The following RBM25 variants were observed in gnomAD, a reference collection of about 807,000 sequenced individuals.
RBM25 encodes the protein RNA-binding protein 25.
Under a neutral mutation model 120.7 loss-of-function variants are expected in RBM25, and 19 were observed. The observed-to-expected ratio is 0.16, with a 90% CI of 0.11 to 0.23. RBM25 has a LOEUF of 0.23. Ranked by LOEUF, RBM25 falls within the 10% of genes least tolerant of loss-of-function variation. RBM25 has a pLI of 1.00. For synonymous variants in RBM25, 390 were observed against 326.7 expected (o/e 1.19, Z -2.09); for missense variants, 605 against 1,041.5 (o/e 0.58, Z 5.77).
At chr14:73,083,426 G>A (rs577012515) in intron 4 of RBM25, 68 bp from the exon 5 acceptor site, 227 of 1,199,518 alleles carry the variant, frequency 1.9e-4, no homozygotes, top group Non-Finnish European at 2.4e-4. Context: ...ATATAATTTT[G>A]CTTTTAGTTA....
At chr14:73,097,324 C>T (rs1216859006) in intron 7 of RBM25, among the ~76,000 whole-genome samples, 1 of 151,196 alleles carries the variant, frequency 6.6e-6, no homozygotes, top group African/African-American at 2.4e-5. Flanking sequence ...CCTCAGCCTC[C>T]TGAGTAGCTG....
chr14:73,094,487 G>A (rs933330025), intron 6 of RBM25, among the ~76,000 whole-genome samples: 3 of 150,866 alleles, frequency 2.0e-5, no homozygotes, highest in Admixed American at 6.6e-5. Flanking sequence ...TTGCTCTGTC[G>A]CCCAGGCTGG....
At chr14:73,088,481 A>T (rs1268257321) in intron 6 of RBM25, 1 of 466,842 alleles carries the variant, frequency 2.1e-6, no homozygotes, top group Admixed American at 2.6e-5. Context: ...GTAAGTAAGT[A>T]CAAAATATAT....
At chr14:73,074,493 G>A (rs60964585) in intron 2 of RBM25, among the ~76,000 whole-genome samples, 12,995 of 152,100 alleles carry the variant, frequency 0.085, 662 homozygotes, top group Middle Eastern at 0.2. Flanking sequence ...ATCACTTTGG[G>A]AGGCTGAGGG....
chr14:73,096,229 G>A (rs1165456992), intron 6 of RBM25, among the ~76,000 whole-genome samples: 1 of 152,032 alleles, frequency 6.6e-6, no homozygotes, highest in Non-Finnish European at 1.5e-5. Flanking sequence ...CCCCCGCCTC[G>A]GCCTCCCATA....
intron 3 of RBM25, 74 bp from the exon 4 acceptor site, chr14:73,077,294 TG>T (rs1895446669): frequency 7.8e-7 from 1 of 1,283,012 alleles, no homozygotes; most frequent in African/African-American, 1.5e-5. Flanking sequence ...TTAATCCTGA[TG>T]TTTTTAGCCT....
At chr14:73,101,555 A>G (rs1016427234) in intron 9 of RBM25, 1 of 151,358 alleles carries the variant, frequency 6.6e-6, no homozygotes, top group Non-Finnish European at 1.5e-5. Flanking sequence ...ACTTCAGGAA[A>G]CATTTAGTAT....
chr14:73,059,012 C>G (rs959427956), intron 1 of RBM25, among the ~76,000 whole-genome samples: 17 of 152,104 alleles, frequency 1.1e-4, no homozygotes, highest in Non-Finnish European at 2.1e-4. Flanking sequence ...GTCTCTGCCC[C>G]CCCTGGGCTC....
intron 5 of RBM25, among the ~76,000 whole-genome samples, chr14:73,085,162 G>A (rs1308750533): frequency 6.6e-6 from 1 of 151,932 alleles, no homozygotes; most frequent in African/African-American, 2.4e-5. Flanking sequence ...AGGATTACAA[G>A]CATGTACCAC....
intron 6 of RBM25, among the ~76,000 whole-genome samples, chr14:73,095,397 G>T (rs1566593680): frequency 6.6e-6 from 1 of 151,806 alleles, no homozygotes; most frequent in Non-Finnish European, 1.5e-5. Flanking sequence ...GAGGTCAGGA[G>T]ATCGAGACCA....
chr14:73,078,837 C>G (rs1895487359), intron 4 of RBM25, among the ~76,000 whole-genome samples: 1 of 152,136 alleles, frequency 6.6e-6, no homozygotes, highest in Non-Finnish European at 1.5e-5. Flanking sequence ...CTCCTGGCCT[C>G]AAGCAAACCG....
intron 18 of RBM25, among the ~76,000 whole-genome samples, chr14:73,115,990 TG>T (rs759471039): frequency 1.4e-4 from 22 of 151,728 alleles, no homozygotes; most frequent in Non-Finnish European, 2.4e-4. Context: ...CTCATTTAAG[TG>T]GGGGGAAAGA....
intron 6 of RBM25, among the ~76,000 whole-genome samples, chr14:73,091,709 TA>T (rs35127937): frequency 5.4e-5 from 8 of 148,838 alleles, no homozygotes; most frequent in African/African-American, 1.2e-4. Context: ...CCATCTCTAC[TA>T]AAAAAAAAAT....
intron 1 of RBM25, among the ~76,000 whole-genome samples, chr14:73,060,901 C>G (rs896052118): frequency 6.6e-6 from 1 of 151,258 alleles, no homozygotes; most frequent in Non-Finnish European, 1.5e-5. Context: ...TGTGATGCCC[C>G]TTAACCCATA....
At chr14:73,063,952 T>C (rs898221499) in intron 1 of RBM25, among the ~76,000 whole-genome samples, 1 of 151,492 alleles carries the variant, frequency 6.6e-6, no homozygotes, top group Non-Finnish European at 1.5e-5. Flanking sequence ...CTGTTGGCCT[T>C]GCTATTCCTC....
intron 15 of RBM25, 29 bp from the exon 16 acceptor site, chr14:73,111,499 A>G: frequency 1.9e-6 from 3 of 1,546,930 alleles, no homozygotes; most frequent in Non-Finnish European, 2.6e-6. Flanking sequence ...AAATTAAGTC[A>G]TCTTGCTAAG....
At chr14:73,084,780 AACCT>A (rs1369181610) in intron 5 of RBM25, among the ~76,000 whole-genome samples, 1 of 150,710 alleles carries the variant, frequency 6.6e-6, no homozygotes, top group Non-Finnish European at 1.5e-5. Context: ...CTGAGCTGCT[AACCT>A]TATGATCCGC....
rs1162390087 is a variant in RBM25 at position 73,058,576 on chromosome 14, C to A, written c.-145C>A. The A allele has an allele frequency of 6.6e-6, 1 of 152,186 alleles. No homozygotes were observed. The highest frequency in any genetic ancestry group is 6.5e-5 in the Admixed American group (1 of 15,272). 9.4% of individuals were successfully genotyped at this position (152,186 alleles called of 1,614,324 possible). The stretch of plus-strand genomic sequence containing the variant: ...CCGCGCAGCGCGGCTGTATTTGCGG[C>A]CTGTGCGAGTAGGCGCTTGGGCACT... On this transcript the variant is annotated 5_prime_UTR_variant, in exon 1 of 19. Transcript: ENST00000261973.
At position 73,083,476 on chromosome 14, in the gene RBM25, T is replaced by C; in HGVS notation, c.325-18T>C. The stretch of plus-strand genomic sequence containing the variant: ...TTGTTAAATGGTAGCAATCTGTTTG[T>C]TTTGTTTTCTTTTTAAGAAATGTGG... On this transcript the variant is annotated intron_variant, in intron 4 of 18. Transcript: ENST00000261973. 4 of 1,554,074 alleles carry C rather than the reference T, an allele frequency of 2.6e-6. No homozygotes were observed. The highest frequency in any genetic ancestry group is 3.5e-6 in the Non-Finnish European group (4 of 1,158,152).
Sources: allele counts gnomAD v4.1 joint callset (sites outside exome capture counted in the v4.1 genomes callset), GRCh38; gene constraint gnomAD v4.1.1; transcripts MANE v1.5; gene names NCBI Gene and HGNC (gene_info 2026-07-23, HGNC 2026-07-21).